The following FAF1 variants were observed in gnomAD, a reference collection of about 807,000 sequenced individuals.
The protein encoded by FAF1 is Fas associated factor 1.
In FAF1, 25 loss-of-function variants were observed where a neutral mutation model predicts 92.5. The ratio of observed to expected loss-of-function variants is 0.27; its 90% CI spans 0.20 to 0.38. The LOEUF is 0.38. FAF1 is among the 10% of genes least tolerant of loss of function. FAF1 has a pLI of 1.00. For synonymous variants in FAF1, 234 were observed against 273.2 expected, an observed-to-expected ratio of 0.86 and a Z score of 1.42; for missense variants, 636 against 793.3, an observed-to-expected ratio of 0.80 and a Z score of 2.38.
chr1:50,923,667 C>T (rs1317934943), intron 1 of FAF1, among the ~76,000 whole-genome samples: 3 of 152,074 alleles, frequency 2.0e-5, no homozygotes, highest in Admixed American at 6.5e-5. Context: ...AACATAGATT[C>T]GATAGAATCC....
intron 12 of FAF1, among the ~76,000 whole-genome samples, chr1:50,573,728 T>C (rs901464493): frequency 6.6e-6 from 1 of 151,184 alleles, no homozygotes; most frequent in Admixed American, 6.6e-5. Context: ...TCTGAGCAGA[T>C]GTTGGGATAG....
chr1:50,701,779 T>C (rs1185129991), intron 7 of FAF1, among the ~76,000 whole-genome samples: 2 of 152,200 alleles, frequency 1.3e-5, no homozygotes, highest in Non-Finnish European at 1.5e-5. Context: ...ATCACTACTT[T>C]GTACAAACTG....
intron 6 of FAF1, among the ~76,000 whole-genome samples, chr1:50,728,033 G>C (rs1017848114): frequency 6.6e-6 from 1 of 152,146 alleles, no homozygotes; most frequent in African/African-American, 2.4e-5. Context: ...GATTGTGTGA[G>C]TTAATTCTCC....
intron 1 of FAF1, among the ~76,000 whole-genome samples, chr1:50,912,757 G>T (rs1010043658): frequency 3.9e-5 from 6 of 152,102 alleles, no homozygotes; most frequent in Non-Finnish European, 7.4e-5. Flanking sequence ...TGCACATTTT[G>T]TCAAACAGCG....
At chr1:50,681,050 C>T (rs1316260792) in intron 7 of FAF1, among the ~76,000 whole-genome samples, 1 of 150,524 alleles carries the variant, frequency 6.6e-6, no homozygotes. Context: ...AATAATAATA[C>T]GATGATGATG....
In FAF1 at chr1:50,657,005, G is replaced by C. The variant is rs527663614; in HGVS notation, c.658-1477C>G. Among the ~76,000 whole-genome samples, 3 of 152,046 alleles carry C rather than the reference G, an allele frequency of 2.0e-5. No individual in the cohort carries two copies. The South Asian group carries it at 6.2e-4, about 32-fold the overall frequency. ...GTACAAGGATCACTTGAGCTCAGGA[G>C]TTCAAGATGAGCCTGGGCAACATAG... is the stretch of plus-strand genomic sequence containing the variant. On this transcript the variant is annotated intron_variant, in intron 7 of 18. Transcript: ENST00000396153.
At chr1:50,490,478 GAAGGAAGGAAGGA>G (rs1481869855) in intron 17 of FAF1, 97 bp downstream of exon 17, 3 of 624,342 alleles carry the variant, frequency 4.8e-6, no homozygotes, top group South Asian at 3.5e-5. Context: ...AAGAAGGAAG[GAAGGAAGGAAGGA>G]AAGGAAGGAA....
chr1:50,798,379 C>T (rs191601101), intron 3 of FAF1, among the ~76,000 whole-genome samples: 11 of 152,238 alleles, frequency 7.2e-5, no homozygotes, highest in Non-Finnish European at 1.3e-4. Flanking sequence ...TAAAATTATG[C>T]TATTAATTTA....
chr1:50,920,648 T>C (rs1261578410), intron 1 of FAF1, among the ~76,000 whole-genome samples: 1 of 152,188 alleles, frequency 6.6e-6, no homozygotes, highest in Non-Finnish European at 1.5e-5. Context: ...TAATTTACCA[T>C]ATTAACAGAA....
Position 50,440,449 on chromosome 1 carries a change from T to C in FAF1, c.*991A>G, listed in dbSNP as rs546242656. 6.6e-6 allele frequency: 1 copy of C among 152,298 alleles called. No individual in the cohort carries two copies. Among genetic ancestry groups the C allele is most frequent in the South Asian group, 2.1e-4 (1 of 4,826 alleles). The allele number at this position is 152,298 out of a possible 1,614,324, so 9.4% of individuals were successfully genotyped here. ...GAGTCCAATATCAAATACTAAAACATTAAAAGAATAAAATAGTAGAGCAAG... is the reference window on the plus strand; with the variant it reads ...GAGTCCAATATCAAATACTAAAACACTAAAAGAATAAAATAGTAGAGCAAG... On this transcript the variant is annotated 3_prime_UTR_variant, in exon 19 of 19. Transcript: ENST00000396153.
intron 8 of FAF1, among the ~76,000 whole-genome samples, chr1:50,641,459 GTA>G (rs946235242): frequency 1.3e-5 from 2 of 152,048 alleles, no homozygotes; most frequent in African/African-American, 4.8e-5. Flanking sequence ...TAAAAAAATA[GTA>G]TGTTTTTTAT....
intron 15 of FAF1, among the ~76,000 whole-genome samples, chr1:50,532,974 G>A (rs1648261326): frequency 6.6e-6 from 1 of 152,108 alleles, no homozygotes; most frequent in African/African-American, 2.4e-5. Flanking sequence ...ACCATGCCCA[G>A]CTAATGTTTT....
Position 50,738,806 on chromosome 1 carries a change from G to A in FAF1, c.551+57C>T, listed in dbSNP as rs1420510406. 3.4e-6 allele frequency: 4 copies of A among 1,164,934 alleles called. No individual in the cohort carries two copies. In the African/African-American group the frequency reaches 6.2e-5, roughly 18 times the overall value. The allele number at this position is 1,164,934 out of a possible 1,614,324, so 72.2% of individuals were successfully genotyped here. On this transcript the variant is annotated intron_variant, in intron 6 of 18. Coordinates refer to ENST00000396153, the MANE Select transcript of FAF1 (RefSeq NM_007051.3). ...TTTTGAGGTTTATATACAACTTAAA[G>A]CAATTTTAACAACTGAGTTTTTCAT...
chr1:50,581,502 T>C (rs751746729), intron 12 of FAF1, among the ~76,000 whole-genome samples: 1 of 152,268 alleles, frequency 6.6e-6, no homozygotes, highest in East Asian at 1.9e-4. Context: ...TATTAAACAT[T>C]TACTGAATTT....
intron 2 of FAF1, among the ~76,000 whole-genome samples, chr1:50,837,397 A>C (rs1227241082): frequency 6.6e-6 from 1 of 152,202 alleles, no homozygotes; most frequent in Non-Finnish European, 1.5e-5. Context: ...TGCCACTAAC[A>C]ATTTTAAACT....
intron 9 of FAF1, among the ~76,000 whole-genome samples, chr1:50,591,169 A>T (rs1651484294): frequency 6.6e-6 from 1 of 152,166 alleles, no homozygotes. Context: ...ATGTTACCAA[A>T]TGCAGATGAT....
intron 1 of FAF1, among the ~76,000 whole-genome samples, chr1:50,881,736 T>A (rs113553568): frequency 2.0e-5 from 3 of 152,196 alleles, no homozygotes; most frequent in Non-Finnish European, 1.5e-5. Context: ...TCCCATTACA[T>A]GAGTGGTTTC....
intron 1 of FAF1, among the ~76,000 whole-genome samples, chr1:50,882,941 G>A (rs12084887): frequency 0.01 from 1,548 of 148,484 alleles, 24 homozygotes; most frequent in African/African-American, 0.037. Flanking sequence ...CCGAGATTGC[G>A]CCACTGCACT....
At chr1:50,472,469 T>A (rs1043501892) in intron 18 of FAF1, among the ~76,000 whole-genome samples, 13 of 151,088 alleles carry the variant, frequency 8.6e-5, no homozygotes, top group African/African-American at 3.2e-4. Flanking sequence ...TTGAATCAGT[T>A]TTCTGGGGAA....
Sources: allele counts gnomAD v4.1 joint callset (sites outside exome capture counted in the v4.1 genomes callset), GRCh38; gene constraint gnomAD v4.1.1; transcripts MANE v1.5; gene names NCBI Gene and HGNC (gene_info 2026-07-23, HGNC 2026-07-21).